Variants in HNRNPCL2 observed in about 807,000 individuals in gnomAD.
HNRNPCL2 encodes heterogeneous nuclear ribonucleoprotein C like 2, also known as heterogeneous nuclear ribonucleoprotein C-like 2.
A neutral mutation model predicts 18.2 loss-of-function variants in HNRNPCL2; 17 were observed. That is an observed-to-expected ratio of 0.94 (90% confidence interval 0.64 to 1.40). The LOEUF is 1.40. Ranked by LOEUF, HNRNPCL2 falls within the 40% of genes most tolerant of loss-of-function variation. The pLI is 0.00. For synonymous variants in HNRNPCL2, 133 were observed against 129.9 expected, an observed-to-expected ratio of 1.02 and a Z score of -0.16; for missense variants, 358 against 357.1, an observed-to-expected ratio of 1.00 and a Z score of -0.02.
Position 13,115,615 on chromosome 1 carries a change from CT to C in HNRNPCL2, c.785del (p.Gln262ArgfsTer8), listed in dbSNP as rs144171787. 49 of 1,613,542 alleles carry C rather than the reference CT, an allele frequency of 3.0e-5. No homozygotes were observed. The highest frequency in any genetic ancestry group is 5.5e-5 in the South Asian group (5 of 91,056). Reference sequence around the variant, plus strand: ...TGATCAAATGAAGCTGGTTGTCCCCCTGATCTTCATTATCATCATCATCCAG... The same window carrying C: ...TGATCAAATGAAGCTGGTTGTCCCCCGATCTTCATTATCATCATCATCCAG... ...DPLDDDDNED[Q>X]GDNQLHLIKN... On this transcript the variant is annotated frameshift_variant, in exon 2 of 2. Transcript: ENST00000621994. LOFTEE classifies it high-confidence loss of function.
Position 13,115,616 on chromosome 1 carries a change from T to C in HNRNPCL2, c.785A>G (p.Gln262Arg), listed in dbSNP as rs559638980. 2.5e-6 allele frequency: 4 copies of C among 1,613,598 alleles called. No individual in the cohort carries two copies. The highest frequency in any genetic ancestry group is 2.7e-5 in the African/African-American group (2 of 74,674). The stretch of plus-strand genomic sequence containing the variant: ...GATCAAATGAAGCTGGTTGTCCCCC[T>C]GATCTTCATTATCATCATCATCCAG... ...DPLDDDDNED[Q>R]GDNQLHLIKN... Residue 262 changes from glutamine (Q) to arginine (R), a missense_variant, in exon 2 of 2, where the codon CAG becomes CGG. By Grantham distance (43) the Gln-to-Arg change is conservative. Transcript: ENST00000621994.
Position 13,116,101 on chromosome 1 carries a change from G to A in HNRNPCL2, c.300C>T (p.Ser100=), listed in dbSNP as rs76669210. The change falls in exon 2 of 2, where the codon TCC becomes TCT. Residue 100 remains serine, a synonymous_variant. Coordinates refer to ENST00000621994, the MANE Select transcript of HNRNPCL2 (RefSeq NM_001136561.3). The part of the protein sequence containing the change: ...VNRGNAGVKR[S]AAEMYGSSFD... ...AAGAGGAGCCGTACATCTCCGCTGC[G>A]GATCGTTTCACACCTGCGTTTCCTC... The A allele has an allele frequency of 1.2e-5, 19 of 1,600,474 alleles. No homozygotes were observed. The South Asian group carries it at 1.6e-4, about 13-fold the overall frequency.
In HNRNPCL2 at chr1:13,115,719, A is replaced by G. The variant is rs1642808496; in HGVS notation, c.682T>C (p.Ser228Pro). 1 of 1,613,138 alleles carries G rather than the reference A, an allele frequency of 6.2e-7. No individual in the cohort carries two copies. The highest frequency in any genetic ancestry group is 1.1e-5 in the South Asian group (1 of 91,046). ...AKSEEEQSSSSMKKDETHVKM... is the reference protein window; with the variant it reads ...AKSEEEQSSSPMKKDETHVKM... The stretch of plus-strand genomic sequence containing the variant: ...ACATGAGTCTCATCTTTCTTCATGG[A>G]GCTACTGCTCTGCTCCTCTTCTGAC... Residue 228 changes from serine (S) to proline (P), a missense_variant, in exon 2 of 2, where the codon TCC becomes CCC. Ser to Pro is a moderately conservative substitution (Grantham distance 74). Transcript: ENST00000621994.
At position 13,116,588 on chromosome 1, in the gene HNRNPCL2, T is replaced by C. The variant is rs1642832136; in HGVS notation, c.-181-7A>G. The C allele has an allele frequency of 2.5e-5, 30 of 1,193,720 alleles. No homozygotes were observed. The highest frequency in any genetic ancestry group is 3.2e-5 in the Non-Finnish European group (28 of 880,254). 73.9% of individuals were successfully genotyped at this position (1,193,720 alleles called of 1,614,324 possible). A position where few individuals can be genotyped will look rare whatever the true frequency, so the allele number is the denominator to read the frequency against. ...ATGGCTGCCAACAAGAATTCTGAAATGATGTAAAGAAAAGCACAACAACAT... is the reference window on the plus strand; with the variant it reads ...ATGGCTGCCAACAAGAATTCTGAAACGATGTAAAGAAAAGCACAACAACAT... On this transcript the variant is annotated splice_polypyrimidine_tract_variant and splice_region_variant and intron_variant, in intron 1 of 1. Coordinates refer to ENST00000621994, the MANE Select transcript of HNRNPCL2 (RefSeq NM_001136561.3).
In HNRNPCL2 at chr1:13,115,790, A is replaced by G. The variant is rs746998251; in HGVS notation, c.611T>C (p.Ile204Thr). The part of the protein sequence containing the change: ...VDSLLENLEK[I>T]EKEQSKQEVE... ...CTCTTGTTTGCTCTGTTCCTTTTCA[A>G]TTTTTTCCAGGTTTTCCAGGAGAGA... Residue 204 changes from isoleucine to threonine, a missense_variant, in exon 2 of 2, where the codon ATT becomes ACT. By Grantham distance (89) the Ile-to-Thr change is moderately conservative (BLOSUM62 -1). Coordinates refer to ENST00000621994, the MANE Select transcript of HNRNPCL2 (RefSeq NM_001136561.3). 12 of 1,612,520 alleles carry G rather than the reference A, an allele frequency of 7.4e-6. No homozygotes were observed. Among genetic ancestry groups the G allele is most frequent in the Middle Eastern group, 1.7e-4 (1 of 6,056 alleles).
chr1:13,115,921 G>C lies in HNRNPCL2; in HGVS notation c.480C>G (p.Phe160Leu). The change falls in exon 2 of 2, where the codon TTC becomes TTG. Residue 160 changes from phenylalanine to leucine, a missense_variant. Physicochemically the swap from Phe to Leu is conservative, Grantham distance 22 (BLOSUM62 0). Transcript: ENST00000621994. ...ATCCCCGCTTTCCACTCTTAGAATT[G>C]AAGCCACTTTTGCCCCTTCGTGAGG... The part of the protein sequence containing the change: ...GNTSRRGKSG[F>L]NSKSGKRGSS... 1.2e-6 allele frequency: 2 copies of C among 1,612,920 alleles called. No individual in the cohort carries two copies. Among genetic ancestry groups the C allele is most frequent in the South Asian group, 2.2e-5 (2 of 91,018 alleles).
At position 13,116,016 on chromosome 1, in the gene HNRNPCL2, G is replaced by A. The variant is rs764929460; in HGVS notation, c.385C>T (p.Arg129Cys). Reference sequence around the variant, plus strand: ...GCAATGGGAGGAGGAGGAGGTACACGTGCTGGGAAACTGTACATCCCATCA... The same window carrying A: ...GCAATGGGAGGAGGAGGAGGTACACATGCTGGGAAACTGTACATCCCATCA... ...YYDGMYSFPA[R>C]VPPPPPIALA... The change falls in exon 2 of 2, where the codon CGT (arginine) becomes TGT (cysteine). Residue 129 changes from arginine to cysteine, a missense_variant. By Grantham distance (180) the Arg-to-Cys change is radical. Transcript: ENST00000621994. 16 of 1,613,208 alleles carry A rather than the reference G, an allele frequency of 9.9e-6. No individual in the cohort carries two copies. The East Asian group carries it at 2.9e-4, about 29-fold the overall frequency.
In HNRNPCL2 at chr1:13,116,254, A is replaced by G. The variant is rs1193392852; in HGVS notation, c.147T>C (p.His49=). Residue 49 remains histidine, a synonymous_variant, in exon 2 of 2, where the codon CAT becomes CAC. Transcript: ENST00000621994. ...KYGKIAGCSV[H]KGFAFVQYDK... is the part of the protein sequence containing the mutation. ...CATATTGAACGAAGGCAAAGCCCTT[A>G]TGAACAGAGCAGCCCGCAATTTTGC... is the stretch of plus-strand genomic sequence containing the variant. The G allele has an allele frequency of 1.9e-6, 3 of 1,612,660 alleles. No individual in the cohort carries two copies. In the Admixed American group the frequency reaches 5.0e-5, roughly 27 times the overall value.
Position 13,115,962 on chromosome 1 carries a change from G to C in HNRNPCL2, c.439C>G (p.Arg147Gly). The C allele has an allele frequency of 6.2e-7, 1 of 1,612,992 alleles. No homozygotes were observed. The highest frequency in any genetic ancestry group is 1.3e-5 in the African/African-American group (1 of 74,502). Residue 147 changes from arginine to glycine, a missense_variant, in exon 2 of 2, where the codon CGC becomes GGC. By Grantham distance (125) the Arg-to-Gly change is moderately radical (BLOSUM62 -2). Transcript: ENST00000621994. ...CTTCGTGAGGTGTTTCCTGATATGC[G>C]CTGGCGTTTCGAGGGCACTACAGCC... is the stretch of plus-strand genomic sequence containing the variant. The part of the protein sequence containing the change: ...ALAVVPSKRQ[R>G]ISGNTSRRGK...
rs989412860 is a variant in HNRNPCL2, at chr1:13,116,550, G to T, written c.-150C>A. On this transcript the variant is annotated 5_prime_UTR_variant, in exon 2 of 2. Coordinates refer to ENST00000621994, the MANE Select transcript of HNRNPCL2 (RefSeq NM_001136561.3). The stretch of plus-strand genomic sequence containing the variant: ...ATGCAGCCAAAACAGCTCAGTCTTC[G>T]TCTCTTCACAAAATGGCTGCCAACA... 3.2e-5 allele frequency: 43 copies of T among 1,333,938 alleles called. No individual in the cohort carries two copies. Among genetic ancestry groups the T allele is most frequent in the Non-Finnish European group, 3.6e-5 (36 of 1,003,298 alleles). The allele number at this position is 1,333,938 out of a possible 1,614,324, so 82.6% of individuals were successfully genotyped here. A position where few individuals can be genotyped will look rare whatever the true frequency, so the allele number is the denominator to read the frequency against.
chr1:13,115,596 A>C lies in HNRNPCL2; in HGVS notation c.805T>G (p.Leu269Val), dbSNP rs758428220. 13 of 1,613,418 alleles carry C rather than the reference A, an allele frequency of 8.1e-6. No individual in the cohort carries two copies. The highest frequency in any genetic ancestry group is 1.1e-5 in the Non-Finnish European group (13 of 1,179,954). The change falls in exon 2 of 2, where the codon TTG (leucine) becomes GTG (valine). Residue 269 changes from leucine to valine, a missense_variant. Transcript: ENST00000621994. ...GCATCTTTTTCATTATTCTTGATCA[A>C]ATGAAGCTGGTTGTCCCCCTGATCT... ...NEDQGDNQLH[L>V]IKNNEKDAEE...
Position 13,115,888 on chromosome 1 carries a change from C to G in HNRNPCL2, c.513G>C (p.Lys171Asn). The change falls in exon 2 of 2, where the codon AAG becomes AAC. Residue 171 changes from lysine to asparagine, a missense_variant. By Grantham distance (94) the Lys-to-Asn change is moderately conservative (BLOSUM62 0). Transcript: ENST00000621994. The part of the protein sequence containing the change: ...NSKSGKRGSS[K>N]SGKLKGDDLQ... ...GGTCATCTCCTTTCAGCTTTCCAGA[C>G]TTGGAAGATCCCCGCTTTCCACTCT... The G allele has an allele frequency of 6.2e-7, 1 of 1,612,988 alleles. No individual in the cohort carries two copies. The highest frequency in any genetic ancestry group is 8.5e-7 in the Non-Finnish European group (1 of 1,179,646).
At position 13,115,635 on chromosome 1, in the gene HNRNPCL2, C is replaced by G; in HGVS notation, c.766G>C (p.Asp256His). The stretch of plus-strand genomic sequence containing the variant: ...TCCCCCTGATCTTCATTATCATCAT[C>G]ATCCAGTGGGTCCCCCTCCTCAGCA... Reference protein sequence around the residue: ...DSAEEGDPLDDDDNEDQGDNQ... With the variant: ...DSAEEGDPLDHDDNEDQGDNQ... The change falls in exon 2 of 2, where the codon GAT (aspartate) becomes CAT (histidine). Residue 256 changes from aspartate (D) to histidine (H), a missense_variant. Coordinates refer to ENST00000621994, the MANE Select transcript of HNRNPCL2 (RefSeq NM_001136561.3). 6.2e-7 allele frequency: 1 copy of G among 1,613,664 alleles called. No homozygotes were observed. The highest frequency in any genetic ancestry group is 1.1e-5 in the South Asian group (1 of 91,058).
Position 13,115,697 on chromosome 1 carries a change from T to C in HNRNPCL2, c.704A>G (p.His235Arg). 6.2e-7 allele frequency: 1 copy of C among 1,613,672 alleles called. No homozygotes were observed. The highest frequency in any genetic ancestry group is 8.5e-7 in the Non-Finnish European group (1 of 1,179,974). Reference sequence around the variant, plus strand: ...ACCCCCCTCAGACTCCATCTTTACATGAGTCTCATCTTTCTTCATGGAGCT... The same window carrying C: ...ACCCCCCTCAGACTCCATCTTTACACGAGTCTCATCTTTCTTCATGGAGCT... ...SSSSMKKDET[H>R]VKMESEGGAE... is the part of the protein sequence containing the mutation. The change falls in exon 2 of 2, where the codon CAT (histidine) becomes CGT (arginine). Residue 235 changes from histidine (H) to arginine (R), a missense_variant. Transcript: ENST00000621994.
rs894651870 is a variant in HNRNPCL2 at position 13,115,664 on chromosome 1, T to A, written c.737A>T (p.Asp246Val). 6.8e-6 allele frequency: 11 copies of A among 1,613,362 alleles called. No homozygotes were observed. Among genetic ancestry groups the A allele is most frequent in the Admixed American group, 1.7e-5 (1 of 59,964 alleles). The change falls in exon 2 of 2, where the codon GAC (aspartate) becomes GTC (valine). Residue 246 changes from aspartate (D) to valine (V), a missense_variant. By Grantham distance (152) the Asp-to-Val change is radical (BLOSUM62 -3). Coordinates refer to ENST00000621994, the MANE Select transcript of HNRNPCL2 (RefSeq NM_001136561.3). ...VKMESEGGAE[D>V]SAEEGDPLDD... ...CAGTGGGTCCCCCTCCTCAGCAGAG[T>A]CTTCTGCACCCCCCTCAGACTCCAT... is the stretch of plus-strand genomic sequence containing the variant.
chr1:13,116,461 T>G lies in HNRNPCL2; in HGVS notation c.-61A>C. The G allele has an allele frequency of 6.5e-7, 1 of 1,545,956 alleles. No homozygotes were observed. Among genetic ancestry groups the G allele is most frequent in the Non-Finnish European group, 8.7e-7 (1 of 1,148,406 alleles). ...ACAGGAGGCGGGAGGGAGAAGAGAT[T>G]CGATTCTAAGTCTCCTACTGCCGGG... On this transcript the variant is annotated 5_prime_UTR_variant, in exon 2 of 2. Transcript: ENST00000621994.
Position 13,116,170 on chromosome 1 carries a change from G to C in HNRNPCL2, c.231C>G (p.Ser77Arg), listed in dbSNP as rs538451010. Residue 77 changes from serine to arginine, a missense_variant, in exon 2 of 2, where the codon AGC (serine) becomes AGG (arginine). Ser to Arg is a moderately radical substitution (Grantham distance 110, BLOSUM62 -1). Transcript: ENST00000621994. ...CAGCCAGGTTAATAACTGCAACCTG[G>C]CTAGCAATCATTCTGCCATCCTCTC... is the stretch of plus-strand genomic sequence containing the variant. ...VAGEDGRMIA[S>R]QVAVINLAAE... is the part of the protein sequence containing the mutation. 8.7e-6 allele frequency: 14 copies of C among 1,608,200 alleles called. 1 individual carries two copies. In the African/African-American group the frequency reaches 1.9e-4, roughly 22 times the overall value.
In HNRNPCL2 at chr1:13,115,599, G is replaced by A. The variant is rs199927646; in HGVS notation, c.802C>T (p.His268Tyr). 8.2e-3 allele frequency: 13,310 copies of A among 1,613,524 alleles called. 150 individuals are homozygous for A. The highest frequency in any genetic ancestry group is 0.01 in the Non-Finnish European group (11,871 of 1,179,914). Reference sequence around the variant, plus strand: ...TCTTTTTCATTATTCTTGATCAAATGAAGCTGGTTGTCCCCCTGATCTTCA... The same window carrying A: ...TCTTTTTCATTATTCTTGATCAAATAAAGCTGGTTGTCCCCCTGATCTTCA... ...DNEDQGDNQL[H>Y]LIKNNEKDAE... is the part of the protein sequence containing the mutation. Residue 268 changes from histidine (H) to tyrosine (Y), a missense_variant, in exon 2 of 2, where the codon CAT becomes TAT. Transcript: ENST00000621994.
Position 13,116,021 on chromosome 1 carries a change from G to A in HNRNPCL2, c.380C>T (p.Pro127Leu). 6.2e-7 allele frequency: 1 copy of A among 1,613,376 alleles called. No homozygotes were observed. The highest frequency in any genetic ancestry group is 8.5e-7 in the Non-Finnish European group (1 of 1,179,854). The change falls in exon 2 of 2, where the codon CCA becomes CTA. Residue 127 changes from proline (P) to leucine (L), a missense_variant. By Grantham distance (98) the Pro-to-Leu change is moderately conservative. Coordinates refer to ENST00000621994, the MANE Select transcript of HNRNPCL2 (RefSeq NM_001136561.3). ...GGGAGGAGGAGGAGGTACACGTGCT[G>A]GGAAACTGTACATCCCATCATAATA... ...RDYYDGMYSF[P>L]ARVPPPPPIA...
Sources: allele counts gnomAD v4.1 joint callset, GRCh38; gene constraint gnomAD v4.1.1; transcripts MANE v1.5; gene names NCBI Gene and HGNC (gene_info 2026-07-23, HGNC 2026-07-21).